Variants in DNAAF5 observed in about 807,000 individuals in gnomAD.
DNAAF5 encodes dynein axonemal assembly factor 5.
A neutral mutation model predicts 75.8 loss-of-function variants in DNAAF5; 64 were observed. The observed-to-expected ratio is 0.84, with a 90% confidence interval of 0.69 to 1.04. The LOEUF (loss-of-function observed/expected upper bound fraction) is 1.04. Among genes scored for constraint, DNAAF5 ranks in the 50% least tolerant of loss-of-function variants. DNAAF5 has a pLI of 0.00. For missense variants in DNAAF5, 1,269 were observed against 1,178.5 expected (o/e 1.08, Z -1.12); for synonymous variants, 657 against 557.2 (o/e 1.18, Z -2.52).
In DNAAF5 at chr7:754,294, T is replaced by A. The variant is rs1426352488; in HGVS notation, c.1025-295T>A. On this transcript the variant is annotated intron_variant, in intron 4 of 12. Transcript: ENST00000297440. This position sits in a 1 kb window ranked among gnomAD's most constrained non-coding sequence, Gnocchi z 4.8. The stretch of plus-strand genomic sequence containing the variant: ...CATGCACCACGGCACCTGGCTAATC[T>A]TCCTGTTTTTTATAGAGATGGGGTC... 1.3e-5 allele frequency among the ~76,000 whole-genome samples: 2 copies of A among 152,270 alleles called. No homozygotes were observed. The highest frequency in any genetic ancestry group is 3.9e-4 in the East Asian group (2 of 5,176).
chr7:727,381 G>A, intron 1 of DNAAF5, 66 bp downstream of exon 1: 1 of 932,300 alleles, frequency 1.1e-6, no homozygotes, highest in Non-Finnish European at 1.3e-6. Flanking sequence ...CACCTCCGCG[G>A]CCCCTCTCAC....
intron 2 of DNAAF5, among the ~76,000 whole-genome samples, chr7:731,562 G>C (rs1413951734): frequency 6.6e-6 from 1 of 152,194 alleles, no homozygotes; most frequent in Non-Finnish European, 1.5e-5. Flanking sequence ...TCACATTGTT[G>C]ATCTAAAGCA....
chr7:732,376 G>A (rs1350017103), intron 2 of DNAAF5, among the ~76,000 whole-genome samples: 2 of 152,252 alleles, frequency 1.3e-5, no homozygotes, highest in African/African-American at 2.4e-5. Flanking sequence ...GCCCTGTGCC[G>A]CCCTCAGGTG....
At chr7:751,246 A>G (rs1391447764) in intron 4 of DNAAF5, among the ~76,000 whole-genome samples, 1 of 152,242 alleles carries the variant, frequency 6.6e-6, no homozygotes, top group African/African-American at 2.4e-5. Flanking sequence ...AATTTTAATT[A>G]TTTGGAACTA....
Position 735,297 on chromosome 7 carries a change from G to A in DNAAF5, c.780+5450G>A, listed in dbSNP as rs554153332. On this transcript the variant is annotated intron_variant, in intron 2 of 12. Coordinates refer to ENST00000297440, the MANE Select transcript of DNAAF5 (RefSeq NM_017802.4). ...AGCTGCTCACAGTGTCGCCGCTCACGATGTCATTGCTCACGGTGTAGTTCA... is the reference window on the plus strand; with the variant it reads ...AGCTGCTCACAGTGTCGCCGCTCACAATGTCATTGCTCACGGTGTAGTTCA... Among the ~76,000 whole-genome samples, 236 of 151,384 alleles carry A rather than the reference G, an allele frequency of 1.6e-3. 1 individual carries two copies. The highest frequency in any genetic ancestry group is 2.6e-3 in the Non-Finnish European group (178 of 67,856).
chr7:731,294 T>TA (rs1781554341), intron 2 of DNAAF5, among the ~76,000 whole-genome samples: 1 of 152,156 alleles, frequency 6.6e-6, no homozygotes, highest in Admixed American at 6.5e-5. Context: ...CATCACTGTC[T>TA]AAAAATACCG....
At chr7:731,603 A>G (rs776436427) in intron 2 of DNAAF5, among the ~76,000 whole-genome samples, 2 of 152,266 alleles carry the variant, frequency 1.3e-5, no homozygotes, top group African/African-American at 2.4e-5. Flanking sequence ...CGTGGGCCAC[A>G]TGCAGCCCGG....
chr7:764,084 C>T, intron 8 of DNAAF5, 110 bp downstream of exon 8: 1 of 1,211,304 alleles, frequency 8.3e-7, no homozygotes, highest in South Asian at 1.4e-5. Flanking sequence ...CTGTGGTTCA[C>T]TGAAGCGTGT....
chr7:731,863 G>A (rs1180012921), intron 2 of DNAAF5, among the ~76,000 whole-genome samples: 3 of 151,864 alleles, frequency 2.0e-5, no homozygotes, highest in Non-Finnish European at 4.4e-5. Flanking sequence ...CTTTTACTCT[G>A]ATCAGCCCTG....
chr7:773,199 C>T (rs1488777056), intron 9 of DNAAF5, among the ~76,000 whole-genome samples: 1 of 152,214 alleles, frequency 6.6e-6, no homozygotes, highest in Non-Finnish European at 1.5e-5. Flanking sequence ...TCGCGGAATG[C>T]GTGTAAATCA....
chr7:769,360 C>T (rs568505662), intron 8 of DNAAF5, among the ~76,000 whole-genome samples: 380 of 152,288 alleles, frequency 2.5e-3, no homozygotes, highest in Non-Finnish European at 4.2e-3. Context: ...TGCAGGGACT[C>T]TCAGAGCTGT....
At chr7:785,032 G>A (rs922417637) in intron 12 of DNAAF5, among the ~76,000 whole-genome samples, 3 of 151,680 alleles carry the variant, frequency 2.0e-5, no homozygotes, top group Non-Finnish European at 4.4e-5. Context: ...CCGTCCACCC[G>A]TCCAGAGTGT....
chr7:774,553 C>T (rs1778692877), intron 10 of DNAAF5, among the ~76,000 whole-genome samples: 3 of 152,066 alleles, frequency 2.0e-5, no homozygotes, highest in Admixed American at 2.0e-4. Flanking sequence ...CGGGCCTGGG[C>T]TTTCCGCATC....
At chr7:731,420 G>C (rs1026506980) in intron 2 of DNAAF5, among the ~76,000 whole-genome samples, 2 of 152,196 alleles carry the variant, frequency 1.3e-5, no homozygotes, top group Non-Finnish European at 2.9e-5. Flanking sequence ...GTGTAACTCA[G>C]TATAACTATA....
chr7:783,217 C>A (rs1188308880), intron 12 of DNAAF5, among the ~76,000 whole-genome samples: 1 of 152,260 alleles, frequency 6.6e-6, no homozygotes, highest in Non-Finnish European at 1.5e-5. Context: ...CGCCATTCTT[C>A]CTGGGAAAAG....
rs202056316 is a variant in DNAAF5, at chr7:756,778, G to T, written c.1258-4G>T. ...CTGAGTTTTCTCATGTTTCTTTCTCGCAGTGTACCAGATCCGCAGAGCTCG... is the reference window on the plus strand; with the variant it reads ...CTGAGTTTTCTCATGTTTCTTTCTCTCAGTGTACCAGATCCGCAGAGCTCG... On this transcript the variant is annotated splice_polypyrimidine_tract_variant and splice_region_variant and intron_variant, in intron 5 of 12. Coordinates refer to ENST00000297440, the MANE Select transcript of DNAAF5 (RefSeq NM_017802.4). 27 of 1,611,868 alleles carry T rather than the reference G, an allele frequency of 1.7e-5. No homozygotes were observed. Among genetic ancestry groups the T allele is most frequent in the South Asian group, 2.2e-5 (2 of 91,058 alleles).
At chr7:773,108 CG>C (rs1778628078) in intron 9 of DNAAF5, 1 of 152,178 alleles carries the variant, frequency 6.6e-6, no homozygotes, top group Non-Finnish European at 1.5e-5. Flanking sequence ...GCGCTGGGTT[CG>C]TTCATTCCAG....
At chr7:776,970 C>T (rs4342486) in intron 11 of DNAAF5, among the ~76,000 whole-genome samples, 95,585 of 152,016 alleles carry the variant, frequency 0.63, 30,273 homozygotes, top group South Asian at 0.67. Context: ...GAGCACAAAT[C>T]CTATTGTGAA....
At chr7:753,795 G>T (rs190318441) in intron 4 of DNAAF5, among the ~76,000 whole-genome samples, 1 of 145,670 alleles carries the variant, frequency 6.9e-6, no homozygotes, top group Non-Finnish European at 1.5e-5. Flanking sequence ...ATCATATGGC[G>T]ATGGCTTCGC....
Sources: allele counts gnomAD v4.1 joint callset (sites outside exome capture counted in the v4.1 genomes callset), GRCh38; gene constraint gnomAD v4.1.1; non-coding constraint Gnocchi (gnomAD v3.1); transcripts MANE v1.5; gene names NCBI Gene and HGNC (gene_info 2026-07-23, HGNC 2026-07-21).